The following RBMS3 variants were observed in gnomAD, a reference collection of about 807,000 sequenced individuals.
RBMS3 encodes the protein RNA binding motif single stranded interacting protein 3, also known as RNA-binding motif, single-stranded-interacting protein 3.
In RBMS3, 27 loss-of-function variants were observed where a neutral mutation model predicts 66.8. That is an observed-to-expected ratio of 0.40 (90% CI 0.30 to 0.56). The LOEUF is 0.56. Among genes scored for constraint, RBMS3 ranks in the 20% least tolerant of loss-of-function variants. The pLI, the probability that RBMS3 is intolerant of heterozygous loss-of-function variation, is 0.40. For missense variants in RBMS3, 513 were observed against 549.5 expected, an observed-to-expected ratio of 0.93 and a Z score of 0.66; for synonymous variants, 188 against 183.0, an observed-to-expected ratio of 1.03 and a Z score of -0.22.
intron 1 of RBMS3, among the ~76,000 whole-genome samples, chr3:29,342,521 G>T (rs1356566340): frequency 1.3e-5 from 2 of 152,062 alleles, no homozygotes; most frequent in African/African-American, 2.4e-5. Flanking sequence ...TATTTTTATA[G>T]TATCTTTAAG....
At chr3:29,953,950 C>T (rs1695856594) in intron 12 of RBMS3, among the ~76,000 whole-genome samples, 1 of 151,790 alleles carries the variant, frequency 6.6e-6, no homozygotes, top group Non-Finnish European at 1.5e-5. Flanking sequence ...TTTGTCAAGC[C>T]ATAGTCCTCT....
chr3:29,644,465 G>T (rs114335363), intron 4 of RBMS3, among the ~76,000 whole-genome samples: 1 of 152,150 alleles, frequency 6.6e-6, no homozygotes, highest in Non-Finnish European at 1.5e-5. Flanking sequence ...TTTGAGCCTC[G>T]TGTCTGAAGC....
intron 4 of RBMS3, among the ~76,000 whole-genome samples, chr3:29,685,251 T>G (rs532348510): frequency 6.6e-6 from 1 of 151,838 alleles, no homozygotes; most frequent in South Asian, 2.1e-4. Flanking sequence ...TTAGTAGAGA[T>G]GGGGTTTCAC....
intron 10 of RBMS3, among the ~76,000 whole-genome samples, chr3:29,911,983 CTAGA>C (rs3072653): frequency 0.02 from 2,772 of 141,634 alleles, 76 homozygotes; most frequent in African/African-American, 0.065. Context: ...TACATAATAG[CTAGA>C]TAGATAGATA....
intron 1 of RBMS3, among the ~76,000 whole-genome samples, chr3:29,334,402 T>C (rs1421048417): frequency 6.6e-6 from 1 of 152,206 alleles, no homozygotes; most frequent in East Asian, 1.9e-4. Context: ...TTTTGCATTA[T>C]TTAGTAGCTA....
chr3:29,972,525 A>C (rs768148817), intron 12 of RBMS3, among the ~76,000 whole-genome samples: 5 of 151,964 alleles, frequency 3.3e-5, no homozygotes, highest in Non-Finnish European at 5.9e-5. Context: ...AATATTCAAA[A>C]TAGTTGAGTA....
At chr3:29,416,880 T>A (rs1185469244) in intron 1 of RBMS3, among the ~76,000 whole-genome samples, 3 of 152,172 alleles carry the variant, frequency 2.0e-5, no homozygotes, top group Admixed American at 2.0e-4. Flanking sequence ...AAATTTACTA[T>A]CCTAACCTTC....
intron 10 of RBMS3, among the ~76,000 whole-genome samples, chr3:29,914,318 T>C (rs1298441039): frequency 6.6e-6 from 1 of 151,756 alleles, no homozygotes; most frequent in East Asian, 1.9e-4. Flanking sequence ...ATAGTTCCTT[T>C]TGGGCATGTT....
At chr3:29,932,627 A>G (rs1172917330) in intron 10 of RBMS3, among the ~76,000 whole-genome samples, 1 of 152,194 alleles carries the variant, frequency 6.6e-6, no homozygotes, top group East Asian at 1.9e-4. Context: ...TATAGGTGCT[A>G]AAACAGCTAT....
intron 4 of RBMS3, among the ~76,000 whole-genome samples, chr3:29,724,527 A>AT (rs2053774209): frequency 6.6e-6 from 1 of 152,164 alleles, no homozygotes; most frequent in Non-Finnish European, 1.5e-5. Flanking sequence ...CCACCATGTC[A>AT]TTACATGTTC....
At chr3:29,795,351 G>C (rs988352191) in intron 6 of RBMS3, among the ~76,000 whole-genome samples, 1 of 152,148 alleles carries the variant, frequency 6.6e-6, no homozygotes, top group African/African-American at 2.4e-5. Context: ...AAAACCTCCA[G>C]GCTGAGTATA....
At chr3:29,816,301 GACAC>G (rs1272764498) in intron 6 of RBMS3, among the ~76,000 whole-genome samples, 1 of 135,848 alleles carries the variant, frequency 7.4e-6, no homozygotes, top group Non-Finnish European at 1.6e-5. Context: ...GACACACACA[GACAC>G]ACACAGACAC....
At chr3:29,783,468 T>C (rs113448945) in intron 6 of RBMS3, among the ~76,000 whole-genome samples, 3 of 152,000 alleles carry the variant, frequency 2.0e-5, no homozygotes, top group African/African-American at 7.2e-5. Flanking sequence ...AAATGAAAGA[T>C]ACAGTCTTTT....
At chr3:29,900,564 T>C (rs1442668186) in intron 10 of RBMS3, among the ~76,000 whole-genome samples, 1 of 151,678 alleles carries the variant, frequency 6.6e-6, no homozygotes, top group Non-Finnish European at 1.5e-5. Flanking sequence ...GAGATTTCAA[T>C]AGCAACACAC....
At chr3:29,810,561 CA>C (rs1255674294) in intron 6 of RBMS3, among the ~76,000 whole-genome samples, 1 of 152,058 alleles carries the variant, frequency 6.6e-6, no homozygotes, top group Non-Finnish European at 1.5e-5. Context: ...CTTCTAAAGC[CA>C]AGTGACAAAT....
chr3:29,997,947 G>C (rs916195845), intron 14 of RBMS3, among the ~76,000 whole-genome samples: 1 of 152,102 alleles, frequency 6.6e-6, no homozygotes, highest in East Asian at 1.9e-4. Flanking sequence ...AGAAATAAAG[G>C]GTATTCAATT....
chr3:29,327,013 A>G (rs1409207442), intron 1 of RBMS3, among the ~76,000 whole-genome samples: 1 of 152,136 alleles, frequency 6.6e-6, no homozygotes, highest in Non-Finnish European at 1.5e-5. Context: ...TACAGGCGTG[A>G]GCCACCACAC....
intron 3 of RBMS3, among the ~76,000 whole-genome samples, chr3:29,491,423 C>T (rs1292742281): frequency 1.3e-5 from 2 of 152,174 alleles, no homozygotes; most frequent in Non-Finnish European, 2.9e-5. Context: ...TTAGAATTTA[C>T]ATCTCTCTTT....
intron 6 of RBMS3, among the ~76,000 whole-genome samples, chr3:29,858,810 T>G (rs1159345404): frequency 6.6e-6 from 1 of 152,256 alleles, no homozygotes; most frequent in Non-Finnish European, 1.5e-5. Context: ...TTACAATTTT[T>G]TTAAATGATG....
Sources: allele counts gnomAD v4.1 joint callset (sites outside exome capture counted in the v4.1 genomes callset), GRCh38; gene constraint gnomAD v4.1.1; transcripts MANE v1.5; gene names NCBI Gene and HGNC (gene_info 2026-07-23, HGNC 2026-07-21).